EPHA6: variants seen among roughly 807,000 people sequenced by gnomAD.
The protein encoded by EPHA6 is EPH receptor A6, also known as ephrin type-A receptor 6.
EPHA6 carries 50 observed loss-of-function variants against 112.0 expected under a neutral mutation model. That is an observed-to-expected ratio of 0.45 (90% confidence interval 0.36 to 0.56). The LOEUF is 0.56. EPHA6 is among the 20% of genes least tolerant of loss of function. EPHA6 has a pLI of 0.00. For missense variants in EPHA6, 1,280 were observed against 1,417.4 expected (o/e 0.90, Z 1.56); for synonymous variants, 529 against 490.7 (o/e 1.08, Z -1.03).
chr3:97,269,312 A>C (rs187044029), intron 5 of EPHA6, among the ~76,000 whole-genome samples: 100 of 151,764 alleles, frequency 6.6e-4, no homozygotes, highest in Non-Finnish European at 1.1e-3. Flanking sequence ...CCATTGTCCC[A>C]TTTGTCAATT....
intron 5 of EPHA6, among the ~76,000 whole-genome samples, chr3:97,285,252 A>G (rs2080426022): frequency 1.3e-5 from 2 of 152,110 alleles, no homozygotes; most frequent in African/African-American, 4.8e-5. Flanking sequence ...TTTGTTTGGC[A>G]TATTTATGGT....
intron 5 of EPHA6, among the ~76,000 whole-genome samples, chr3:97,275,618 A>G (rs1343022548): frequency 6.6e-6 from 1 of 152,192 alleles, no homozygotes; most frequent in African/African-American, 2.4e-5. Context: ...TAGGACAGGT[A>G]AAATGGGGGA....
At chr3:97,535,984 C>A (rs1010330231) in intron 11 of EPHA6, among the ~76,000 whole-genome samples, 2 of 152,054 alleles carry the variant, frequency 1.3e-5, no homozygotes, top group African/African-American at 2.4e-5. Flanking sequence ...ATCCAAAAAA[C>A]TGTGTTTGAT....
At chr3:97,415,166 A>T (rs1012343834) in intron 6 of EPHA6, among the ~76,000 whole-genome samples, 1 of 152,074 alleles carries the variant, frequency 6.6e-6, no homozygotes, top group Non-Finnish European at 1.5e-5. Flanking sequence ...AATTACAGAA[A>T]AAAAAAGAAT....
At chr3:97,192,845 T>C (rs767761160) in intron 3 of EPHA6, among the ~76,000 whole-genome samples, 3 of 152,156 alleles carry the variant, frequency 2.0e-5, no homozygotes, top group Non-Finnish European at 4.4e-5. Flanking sequence ...TGTATATGGA[T>C]ATCCAGTTTT....
intron 2 of EPHA6, among the ~76,000 whole-genome samples, chr3:96,930,992 CAAAAAAAAAAA>C (rs754917681): frequency 2.0e-4 from 7 of 34,762 alleles, no homozygotes; most frequent in East Asian, 5.6e-4. Flanking sequence ...ACTCTGTCTC[CAAAAAAAAAAA>C]AAAAAAAAAA....
chr3:97,212,832 G>A (rs1295216501), intron 3 of EPHA6, among the ~76,000 whole-genome samples: 1 of 152,112 alleles, frequency 6.6e-6, no homozygotes, highest in African/African-American at 2.4e-5. Flanking sequence ...GGATATTCAG[G>A]AATATGGTGT....
chr3:97,398,874 T>C (rs2086834524), intron 5 of EPHA6, among the ~76,000 whole-genome samples: 1 of 151,552 alleles, frequency 6.6e-6, no homozygotes, highest in Non-Finnish European at 1.5e-5. Context: ...CAGTGTGATA[T>C]TTTGAACATG....
At chr3:96,846,657 T>A (rs941649182) in intron 1 of EPHA6, among the ~76,000 whole-genome samples, 2 of 152,044 alleles carry the variant, frequency 1.3e-5, no homozygotes, top group African/African-American at 4.8e-5. Context: ...AACTAATCCA[T>A]CTAGACTTCC....
chr3:96,994,619 A>C (rs186053317), intron 3 of EPHA6, among the ~76,000 whole-genome samples: 1 of 151,062 alleles, frequency 6.6e-6, no homozygotes, highest in African/African-American at 2.4e-5. Flanking sequence ...GAATCTCATT[A>C]AGGTAGTGGT....
chr3:97,193,920 TG>T (rs2077372777), intron 3 of EPHA6, among the ~76,000 whole-genome samples: 1 of 152,130 alleles, frequency 6.6e-6, no homozygotes, highest in African/African-American at 2.4e-5. Context: ...TCTTTCATTC[TG>T]TTGATATGAT....
At position 96,814,754 on chromosome 3, in the gene EPHA6, G is replaced by A; in HGVS notation, c.131G>A (p.Gly44Glu). Residue 44 changes from glycine to glutamate, a missense_variant, in exon 1 of 18, where the codon GGG becomes GAG. Coordinates refer to ENST00000389672, the MANE Select transcript of EPHA6 (RefSeq NM_001080448.3). ...CCTGTTCCCGGGACCTCGCGCAGGGGGCGCCCCGGGACACCCCCTGCGGGC... is the reference window on the plus strand; with the variant it reads ...CCTGTTCCCGGGACCTCGCGCAGGGAGCGCCCCGGGACACCCCCTGCGGGC... ...SCPVPGTSRR[G>E]RPGTPPAGRV... The A allele has an allele frequency of 6.3e-7, 1 of 1,596,030 alleles. No individual in the cohort carries two copies. The highest frequency in any genetic ancestry group is 8.5e-7 in the Non-Finnish European group (1 of 1,170,246).
chr3:97,181,500 C>T (rs2076987926), intron 3 of EPHA6, among the ~76,000 whole-genome samples: 1 of 151,988 alleles, frequency 6.6e-6, no homozygotes, highest in Admixed American at 6.6e-5. Flanking sequence ...CAAAGTAAGT[C>T]ATGCATGAAC....
intron 3 of EPHA6, among the ~76,000 whole-genome samples, chr3:97,189,804 C>T (rs1320761102): frequency 6.6e-6 from 1 of 151,888 alleles, no homozygotes; most frequent in Non-Finnish European, 1.5e-5. Context: ...GTATCTTCTA[C>T]CAAATAAACC....
At chr3:97,373,245 C>A (rs541251730) in intron 5 of EPHA6, among the ~76,000 whole-genome samples, 1 of 152,164 alleles carries the variant, frequency 6.6e-6, no homozygotes, top group Admixed American at 6.6e-5. Flanking sequence ...AAATTAGGTA[C>A]AAACATTTTG....
intron 5 of EPHA6, among the ~76,000 whole-genome samples, chr3:97,363,236 AT>A (rs1183845957): frequency 3.5e-5 from 3 of 84,550 alleles, no homozygotes; most frequent in Non-Finnish European, 7.5e-5. Context: ...ATATATATAT[AT>A]AAATCTCAGA....
chr3:97,227,975 G>T (rs553821929), intron 4 of EPHA6, among the ~76,000 whole-genome samples: 3 of 152,144 alleles, frequency 2.0e-5, no homozygotes, highest in African/African-American at 7.2e-5. Context: ...CAGCGGTGGA[G>T]TGGGTCTTTA....
intron 2 of EPHA6, among the ~76,000 whole-genome samples, chr3:96,891,179 G>A (rs778963558): frequency 2.0e-5 from 3 of 152,052 alleles, no homozygotes; most frequent in East Asian, 1.9e-4. Flanking sequence ...ACAAAGAAAC[G>A]TGGACATAAC....
intron 5 of EPHA6, among the ~76,000 whole-genome samples, chr3:97,324,407 T>TTCTTTCTTTCTTTCTTTCTTTC (rs2082273563): frequency 6.2e-5 from 6 of 96,022 alleles, no homozygotes; most frequent in African/African-American, 2.6e-4. Context: ...TTTCCTTCTT[T>TTCTTTCTTTCTTTCTTTCTTTC]TCTTTCTTTC....
Sources: allele counts gnomAD v4.1 joint callset (sites outside exome capture counted in the v4.1 genomes callset), GRCh38; gene constraint gnomAD v4.1.1; transcripts MANE v1.5; gene names NCBI Gene and HGNC (gene_info 2026-07-23, HGNC 2026-07-21).